The following SLC9A9 variants were observed in gnomAD, a reference collection of about 807,000 sequenced individuals.
SLC9A9 encodes the protein sodium/hydrogen exchanger 9.
Under a neutral mutation model 77.8 loss-of-function variants are expected in SLC9A9, and 62 were observed. The ratio of observed to expected loss-of-function variants is 0.80; its 90% CI spans 0.65 to 0.98. SLC9A9 has a LOEUF of 0.98. Among genes scored for constraint, SLC9A9 ranks in the 50% least tolerant of loss-of-function variants. The probability of loss-of-function intolerance (pLI) is 0.00; values close to 1 mark genes in which losing one functional copy is unlikely to be tolerated. For synonymous variants in SLC9A9, 320 were observed against 283.5 expected (o/e 1.13, Z -1.29); for missense variants, 775 against 774.9 (o/e 1.00, Z 0.00).
chr3:143,610,399 C>T (rs899442623), intron 6 of SLC9A9, among the ~76,000 whole-genome samples: 6 of 152,136 alleles, frequency 3.9e-5, no homozygotes, highest in Non-Finnish European at 5.9e-5. Flanking sequence ...TTCTTGCCTT[C>T]GCCTCTCAAA....
At chr3:143,834,224 A>G (rs2009508767) in intron 1 of SLC9A9, among the ~76,000 whole-genome samples, 1 of 152,208 alleles carries the variant, frequency 6.6e-6, no homozygotes. Context: ...AAAATAAGTT[A>G]TAGATACGTA....
At chr3:143,737,822 C>CA (rs1295072487) in intron 4 of SLC9A9, among the ~76,000 whole-genome samples, 1 of 152,138 alleles carries the variant, frequency 6.6e-6, no homozygotes, top group Non-Finnish European at 1.5e-5. Flanking sequence ...TACCCAGTCT[C>CA]AGTCACCCCG....
chr3:143,403,973 A>G (rs1018564575), intron 12 of SLC9A9, among the ~76,000 whole-genome samples: 1 of 152,020 alleles, frequency 6.6e-6, no homozygotes, highest in African/African-American at 2.4e-5. Flanking sequence ...TCCAAATGGT[A>G]TCTCAGAGGT....
chr3:143,421,893 C>CA (rs2034303293), intron 12 of SLC9A9, among the ~76,000 whole-genome samples: 1 of 151,778 alleles, frequency 6.6e-6, no homozygotes, highest in Non-Finnish European at 1.5e-5. Flanking sequence ...ACCAAACAAG[C>CA]AAAAAACGAA....
chr3:143,566,544 T>C (rs1479409573), intron 8 of SLC9A9, among the ~76,000 whole-genome samples: 3 of 152,124 alleles, frequency 2.0e-5, no homozygotes, highest in African/African-American at 4.8e-5. Context: ...TAATCAGGAC[T>C]TCTTTTTCTT....
chr3:143,282,238 G>A (rs1046254588), intron 14 of SLC9A9, among the ~76,000 whole-genome samples: 1 of 152,004 alleles, frequency 6.6e-6, no homozygotes, highest in African/African-American at 2.4e-5. Flanking sequence ...TTCCACATCA[G>A]CAATAACCAC....
intron 14 of SLC9A9, among the ~76,000 whole-genome samples, chr3:143,322,102 T>A (rs1049220647): frequency 2.0e-5 from 3 of 152,234 alleles, no homozygotes; most frequent in South Asian, 2.1e-4. Context: ...CTCTTTTTTC[T>A]TTTTTTAGAT....
At chr3:143,839,050 C>T (rs556633035) in intron 1 of SLC9A9, among the ~76,000 whole-genome samples, 20 of 152,186 alleles carry the variant, frequency 1.3e-4, no homozygotes, top group Admixed American at 7.8e-4. Context: ...TTTAGTTTTG[C>T]TCTGAGAATA....
At chr3:143,692,821 T>G (rs796642415) in intron 5 of SLC9A9, among the ~76,000 whole-genome samples, 1 of 152,104 alleles carries the variant, frequency 6.6e-6, no homozygotes, top group African/African-American at 2.4e-5. Flanking sequence ...GATGAGCAAA[T>G]AGAAAGGTCT....
intron 9 of SLC9A9, among the ~76,000 whole-genome samples, chr3:143,537,751 C>A (rs1275513169): frequency 2.0e-5 from 3 of 152,182 alleles, no homozygotes; most frequent in East Asian, 1.9e-4. Context: ...TTTACTCCCC[C>A]CGAAACTTTA....
At chr3:143,481,753 A>G (rs1320342218) in intron 11 of SLC9A9, among the ~76,000 whole-genome samples, 4 of 152,214 alleles carry the variant, frequency 2.6e-5, no homozygotes, top group African/African-American at 9.6e-5. Flanking sequence ...ACTTTTGGAT[A>G]TCAAGGATCA....
intron 2 of SLC9A9, among the ~76,000 whole-genome samples, chr3:143,811,943 G>C (rs2008878492): frequency 6.6e-6 from 1 of 151,990 alleles, no homozygotes; most frequent in South Asian, 2.1e-4. Context: ...AAATATTGAA[G>C]CAATGGTTTG....
intron 4 of SLC9A9, among the ~76,000 whole-genome samples, chr3:143,710,154 G>A (rs999335457): frequency 6.6e-6 from 1 of 152,188 alleles, no homozygotes; most frequent in African/African-American, 2.4e-5. Flanking sequence ...AGTGGTGTGT[G>A]TGCATGTGTA....
chr3:143,782,947 A>G (rs2007928481), intron 4 of SLC9A9, among the ~76,000 whole-genome samples: 1 of 152,128 alleles, frequency 6.6e-6, no homozygotes, highest in Non-Finnish European at 1.5e-5. Flanking sequence ...TAATTGCTCT[A>G]AATCTGATCC....
At chr3:143,693,352 T>A (rs1286328630) in intron 4 of SLC9A9, 45 bp from the exon 5 acceptor site, 3 of 1,433,210 alleles carry the variant, frequency 2.1e-6, no homozygotes, top group Non-Finnish European at 3.0e-6. Flanking sequence ...AGATGAACCC[T>A]GTGTAAACCC....
chr3:143,402,901 T>G (rs2033896017), intron 12 of SLC9A9, among the ~76,000 whole-genome samples: 1 of 126,942 alleles, frequency 7.9e-6, no homozygotes, highest in African/African-American at 2.7e-5. Context: ...ATTTGTTGAT[T>G]TTAAAAAATC....
At chr3:143,660,519 C>T (rs2038962500) in intron 5 of SLC9A9, among the ~76,000 whole-genome samples, 1 of 152,224 alleles carries the variant, frequency 6.6e-6, no homozygotes, top group East Asian at 1.9e-4. Context: ...GGTTGATTTT[C>T]ACCTTGTGAG....
intron 4 of SLC9A9, among the ~76,000 whole-genome samples, chr3:143,701,229 T>C (rs1933792471): frequency 6.6e-6 from 1 of 152,142 alleles, no homozygotes; most frequent in Non-Finnish European, 1.5e-5. Context: ...AATAGCCAAC[T>C]GTTAAATGCC....
Position 143,765,002 on chromosome 3 carries a change from T to TTCCTTCCTTC in SLC9A9, c.533+29998_533+29999insGAAGGAAGGA, listed in dbSNP as rs1180532419. Among the ~76,000 whole-genome samples the TTCCTTCCTTC allele has an allele frequency of 1.0e-3, 136 of 136,066 alleles. 2 individuals are homozygous for TTCCTTCCTTC. The highest frequency in any genetic ancestry group is 4.3e-3 in the African/African-American group (129 of 29,708). The allele number at this position is 136,066 out of a possible 152,430, so 89.3% of individuals were successfully genotyped here. A position where few individuals can be genotyped will look rare whatever the true frequency, so the allele number is the denominator to read the frequency against. On this transcript the variant is annotated intron_variant, in intron 4 of 15. Coordinates refer to ENST00000316549, the MANE Select transcript of SLC9A9 (RefSeq NM_173653.4). ...TCCTTCCTTCCTTCCTTCCTTCCTT[T>TTCCTTCCTTC]CTTTCTTTCTCTCTTTCTCTTTCTT...
Sources: allele counts gnomAD v4.1 joint callset (sites outside exome capture counted in the v4.1 genomes callset), GRCh38; gene constraint gnomAD v4.1.1; transcripts MANE v1.5; gene names NCBI Gene and HGNC (gene_info 2026-07-23, HGNC 2026-07-21).